KIAA1328: variants seen among roughly 807,000 people sequenced by gnomAD.
KIAA1328 encodes the protein protein hinderin.
KIAA1328 carries 52 observed loss-of-function variants against 68.1 expected under a neutral mutation model. The ratio of observed to expected loss-of-function variants is 0.76; its 90% CI spans 0.61 to 0.96. The LOEUF (loss-of-function observed/expected upper bound fraction) is 0.96, where lower values mean the gene tolerates loss of function less well. KIAA1328 is among the 40% of genes least tolerant of loss of function. The probability of loss-of-function intolerance (pLI) is 0.00; values close to 1 mark genes in which losing one functional copy is unlikely to be tolerated. For synonymous variants in KIAA1328, 232 were observed against 239.4 expected, an observed-to-expected ratio of 0.97 and a Z score of 0.28; for missense variants, 641 against 677.6, an observed-to-expected ratio of 0.95 and a Z score of 0.60.
At chr18:37,184,616 G>C (rs1355106546) in intron 9 of KIAA1328, among the ~76,000 whole-genome samples, 2 of 152,148 alleles carry the variant, frequency 1.3e-5, no homozygotes, top group Non-Finnish European at 2.9e-5. Flanking sequence ...GATTTATCCT[G>C]CCTCCACAGC....
At chr18:36,829,257 C>A in intron 1 of KIAA1328, 61 bp downstream of exon 1, 1 of 1,459,594 alleles carries the variant, frequency 6.9e-7, no homozygotes. Context: ...GAGGGGCGAG[C>A]CGTCGCGTGG....
chr18:37,069,123 A>T (rs771138213), intron 7 of KIAA1328, among the ~76,000 whole-genome samples: 22 of 152,308 alleles, frequency 1.4e-4, no homozygotes, highest in Non-Finnish European at 2.9e-4. Context: ...CCCTGTTAAT[A>T]TGGTGAATTA....
chr18:36,987,485 T>TAA (rs536681918), intron 6 of KIAA1328, among the ~76,000 whole-genome samples: 4 of 105,402 alleles, frequency 3.8e-5, no homozygotes, highest in Admixed American at 1.0e-4. Context: ...TAGAGTATAA[T>TAA]AAAAAAAAAT....
intron 8 of KIAA1328, among the ~76,000 whole-genome samples, chr18:37,162,243 T>C (rs1444579439): frequency 1.3e-5 from 2 of 151,770 alleles, no homozygotes; most frequent in African/African-American, 4.8e-5. Flanking sequence ...TTTTTTCCCC[T>C]TTTTTTGTGG....
chr18:37,193,600 C>T (rs1209380648), intron 9 of KIAA1328: 1 of 702,714 alleles, frequency 1.4e-6, no homozygotes, highest in Admixed American at 2.0e-5. Context: ...GCCCAGGAAT[C>T]TCCACAAAGA....
chr18:37,003,715 T>C (rs1164256990), intron 6 of KIAA1328, among the ~76,000 whole-genome samples: 3 of 152,132 alleles, frequency 2.0e-5, no homozygotes, highest in Non-Finnish European at 2.9e-5. Flanking sequence ...TTTTTATAAT[T>C]TCAGATCTTA....
chr18:37,112,843 C>T (rs2057975768), intron 7 of KIAA1328, among the ~76,000 whole-genome samples: 1 of 152,108 alleles, frequency 6.6e-6, no homozygotes, highest in African/African-American at 2.4e-5. Context: ...AACCATGGCA[C>T]AAACACTACG....
intron 6 of KIAA1328, among the ~76,000 whole-genome samples, chr18:36,972,748 C>G (rs2052280436): frequency 6.6e-6 from 1 of 152,212 alleles, no homozygotes; most frequent in African/African-American, 2.4e-5. Flanking sequence ...CCTGTCTCTC[C>G]TGTCCCGTTC....
chr18:37,163,150 T>G (rs1006088715), intron 8 of KIAA1328, among the ~76,000 whole-genome samples: 4 of 152,194 alleles, frequency 2.6e-5, no homozygotes, highest in Non-Finnish European at 5.9e-5. Context: ...TCCACCAGCT[T>G]GCCTAGAACC....
chr18:37,045,958 A>G (rs1474885927), intron 6 of KIAA1328, among the ~76,000 whole-genome samples: 4 of 152,174 alleles, frequency 2.6e-5, no homozygotes, highest in South Asian at 2.1e-4. Context: ...GTGTTCACCT[A>G]GTGTTTTGCC....
In KIAA1328 at chr18:37,105,916, C is replaced by CAAAAAAAAAAAAAAAA. The variant is rs58940699; in HGVS notation, c.1232+38385_1232+38400dup. 1.4e-3 allele frequency among the ~76,000 whole-genome samples: 28 copies of CAAAAAAAAAAAAAAAA among 19,502 alleles called. 1 individual carries two copies. The highest frequency in any genetic ancestry group is 2.5e-3 in the African/African-American group (21 of 8,546). 12.8% of individuals were successfully genotyped at this position (19,502 alleles called of 152,430 possible). The stretch of plus-strand genomic sequence containing the variant: ...TGGTTGACAGAGCAAGACTCTGTGT[C>CAAAAAAAAAAAAAAAA]AAAAAAAAAAAAAAAAAAAAAAAAA... On this transcript the variant is annotated intron_variant, in intron 7 of 9. Coordinates refer to ENST00000280020, the MANE Select transcript of KIAA1328 (RefSeq NM_020776.3).
chr18:37,221,982 C>G, intron 9 of KIAA1328, 35 bp from the exon 10 acceptor site: 1 of 1,592,874 alleles, frequency 6.3e-7, no homozygotes, highest in South Asian at 1.1e-5. Flanking sequence ...TTCTAATAAT[C>G]TGATCCTTTC....
At chr18:37,204,353 C>T (rs1001391885) in intron 9 of KIAA1328, among the ~76,000 whole-genome samples, 8 of 152,120 alleles carry the variant, frequency 5.3e-5, no homozygotes, top group East Asian at 1.9e-4. Context: ...TACTAAGTCA[C>T]GTGAACTTGA....
rs58707237 is a variant in KIAA1328 at position 36,883,952 on chromosome 18, G to GTATATATATATATATATATA, written c.333-1587_333-1586insTATATATATATATATATATA. On this transcript the variant is annotated intron_variant, in intron 4 of 9. Transcript: ENST00000280020. ...TACAAATGCTTTCCATATTTATAAA[G>GTATATATATATATATATATA]TATATATATATATATATACACACAC... 9.3e-3 allele frequency among the ~76,000 whole-genome samples: 1,123 copies of GTATATATATATATATATATA among 120,694 alleles called. 64 individuals carry two copies. Among genetic ancestry groups the GTATATATATATATATATATA allele is most frequent in the African/African-American group, 0.032 (965 of 30,274 alleles). The allele number at this position is 120,694 out of a possible 152,430, so 79.2% of individuals were successfully genotyped here.
intron 7 of KIAA1328, among the ~76,000 whole-genome samples, chr18:37,097,715 G>C (rs935663452): frequency 5.9e-5 from 9 of 152,172 alleles, no homozygotes; most frequent in East Asian, 1.9e-4. Context: ...AGCATGGAAT[G>C]TTCTTCCATT....
intron 5 of KIAA1328, among the ~76,000 whole-genome samples, chr18:36,904,744 G>A (rs938412535): frequency 4.9e-4 from 75 of 151,996 alleles, no homozygotes; most frequent in African/African-American, 1.5e-3. Flanking sequence ...AGTTAGGTTT[G>A]AGTTTGTTTT....
chr18:37,184,375 T>C (rs547928544), intron 9 of KIAA1328, among the ~76,000 whole-genome samples: 1 of 152,374 alleles, frequency 6.6e-6, no homozygotes, highest in African/African-American at 2.4e-5. Context: ...ACATGTTGTT[T>C]GCACTGGGAG....
In KIAA1328 at chr18:36,959,347, GC is replaced by G; in HGVS notation, c.490del (p.Leu164CysfsTer49). On this transcript the variant is annotated frameshift_variant, in exon 6 of 10. Transcript: ENST00000280020. LOFTEE classifies it high-confidence loss of function. ...LQYRECQELL[S>X]LYQKYLSEQQ... ...TATAGAGAATGCCAAGAACTTCTAA[GC>G]CTGTATCAGAAATATTTATCAGAAC... 2 of 1,605,592 alleles carry G rather than the reference GC, an allele frequency of 1.2e-6. No homozygotes were observed. Among genetic ancestry groups the G allele is most frequent in the Non-Finnish European group, 1.7e-6 (2 of 1,176,238 alleles).
chr18:36,976,765 C>T (rs1433803118), intron 6 of KIAA1328, among the ~76,000 whole-genome samples: 1 of 152,064 alleles, frequency 6.6e-6, no homozygotes, highest in Non-Finnish European at 1.5e-5. Flanking sequence ...AAGATTCCTT[C>T]CAGCTCTAAC....
Sources: gnomAD v4.1 joint callset for allele counts (sites outside exome capture counted in the v4.1 genomes callset) on GRCh38, gnomAD v4.1.1 for gene constraint, MANE v1.5 for transcripts, NCBI Gene and HGNC (gene_info 2026-07-23, HGNC 2026-07-21) for gene names.